The following SBF2 variants were observed in gnomAD, a reference collection of about 807,000 sequenced individuals.
The protein encoded by SBF2 is SET binding factor 2.
A neutral mutation model predicts 225.2 loss-of-function variants in SBF2; 112 were observed. That is an observed-to-expected ratio of 0.50 (90% CI 0.43 to 0.58). SBF2 has a LOEUF of 0.58. Ranked by LOEUF, SBF2 falls within the 20% of genes least tolerant of loss-of-function variation. SBF2 has a pLI of 0.00. For missense variants in SBF2, 1,996 were observed against 2,206.2 expected (o/e 0.90, Z 1.91); for synonymous variants, 763 against 773.3 (o/e 0.99, Z 0.22).
At chr11:9,907,267 T>C (rs1862189850) in intron 16 of SBF2, among the ~76,000 whole-genome samples, 1 of 152,156 alleles carries the variant, frequency 6.6e-6, no homozygotes, top group Non-Finnish European at 1.5e-5. Flanking sequence ...TCGGTACGGA[T>C]CCACCTCTCT....
At chr11:10,126,499 G>A (rs1953763953) in intron 2 of SBF2, among the ~76,000 whole-genome samples, 1 of 152,034 alleles carries the variant, frequency 6.6e-6, no homozygotes, top group South Asian at 2.1e-4. Context: ...ATAGAAGGCT[G>A]GAAAATATGG....
chr11:9,860,063 G>A (rs1457615319), intron 17 of SBF2, among the ~76,000 whole-genome samples: 1 of 152,104 alleles, frequency 6.6e-6, no homozygotes, highest in Non-Finnish European at 1.5e-5. Context: ...CTACCTATGG[G>A]AAATCATGAA....
At chr11:9,846,928 G>C in intron 23 of SBF2, 28 bp downstream of exon 23, 1 of 1,613,182 alleles carries the variant, frequency 6.2e-7, no homozygotes, top group Non-Finnish European at 8.5e-7. Flanking sequence ...TTTTTGAATA[G>C]TAAAACAATG....
intron 17 of SBF2, among the ~76,000 whole-genome samples, chr11:9,863,598 ATAAT>A (rs1857941568): frequency 6.6e-6 from 1 of 152,208 alleles, no homozygotes; most frequent in African/African-American, 2.4e-5. Flanking sequence ...AATCACTTTA[ATAAT>A]TAATTTTAGA....
At chr11:9,996,095 G>A (rs538474328) in intron 9 of SBF2, among the ~76,000 whole-genome samples, 1 of 152,294 alleles carries the variant, frequency 6.6e-6, no homozygotes, top group Non-Finnish European at 1.5e-5. Flanking sequence ...TGGCACGGGT[G>A]TTGCAGGTTT....
intron 6 of SBF2, among the ~76,000 whole-genome samples, chr11:10,009,728 A>G (rs1948362506): frequency 6.6e-6 from 1 of 152,210 alleles, no homozygotes; most frequent in South Asian, 2.1e-4. Flanking sequence ...ATACGTGTGC[A>G]TGTGTCTTTA....
intron 27 of SBF2, among the ~76,000 whole-genome samples, chr11:9,829,923 T>C (rs1161454682): frequency 6.6e-6 from 1 of 152,240 alleles, no homozygotes; most frequent in Non-Finnish European, 1.5e-5. Context: ...TCCTTTGACA[T>C]CCCAGAATGG....
intron 2 of SBF2, among the ~76,000 whole-genome samples, chr11:10,146,854 G>A (rs558316019): frequency 6.6e-6 from 1 of 151,862 alleles, no homozygotes; most frequent in Non-Finnish European, 1.5e-5. Flanking sequence ...CAACTCTAAG[G>A]AACTTAAATT....
At position 10,015,096 on chromosome 11, in the gene SBF2, T is replaced by C. The variant is rs940813510; in HGVS notation, c.620-12407A>G. Among the ~76,000 whole-genome samples the C allele has an allele frequency of 4.6e-5, 7 of 152,254 alleles. No individual in the cohort carries two copies. The East Asian group carries it at 1.3e-3, about 29-fold the overall frequency. Reference sequence around the variant, plus strand: ...CTACAGTGAGCTGAGTTTGCACCACTGCACTCCAGCCTGGGCAACAAAGCA... The same window carrying C: ...CTACAGTGAGCTGAGTTTGCACCACCGCACTCCAGCCTGGGCAACAAAGCA... On this transcript the variant is annotated intron_variant, in intron 6 of 39. Transcript: ENST00000256190.
At chr11:9,781,429 T>G in intron 39 of SBF2, 78 bp downstream of exon 39, 1 of 1,589,716 alleles carries the variant, frequency 6.3e-7, no homozygotes, top group Non-Finnish European at 8.6e-7. Flanking sequence ...CCAATTACTC[T>G]GAGGGCTCCA....
At chr11:9,879,139 G>A (rs567009629) in intron 17 of SBF2, among the ~76,000 whole-genome samples, 1 of 152,230 alleles carries the variant, frequency 6.6e-6, no homozygotes, top group Non-Finnish European at 1.5e-5. Flanking sequence ...CTGTAATTTA[G>A]CAGCTCCTCC....
chr11:9,826,704 G>T (rs879761229), intron 28 of SBF2, among the ~76,000 whole-genome samples: 2 of 143,512 alleles, frequency 1.4e-5, no homozygotes, highest in African/African-American at 5.1e-5. Context: ...CTTACTTAGT[G>T]TGTGGTGTGT....
chr11:10,066,388 G>T (rs1950624484), intron 2 of SBF2, among the ~76,000 whole-genome samples: 1 of 151,372 alleles, frequency 6.6e-6, no homozygotes, highest in South Asian at 2.1e-4. Flanking sequence ...ATCCAACCAT[G>T]TAATAAAAGG....
intron 2 of SBF2, among the ~76,000 whole-genome samples, chr11:10,134,682 A>G (rs543319928): frequency 7.2e-5 from 11 of 152,294 alleles, no homozygotes; most frequent in Admixed American, 2.0e-4. Flanking sequence ...CTCCAAAATG[A>G]TCTCCTTTGA....
At chr11:10,073,295 T>A (rs1203032881) in intron 2 of SBF2, among the ~76,000 whole-genome samples, 2 of 152,182 alleles carry the variant, frequency 1.3e-5, no homozygotes, top group African/African-American at 4.8e-5. Context: ...GTAAAAATTA[T>A]TAAAATTATT....
chr11:9,934,705 G>C (rs575195727), intron 16 of SBF2, among the ~76,000 whole-genome samples: 11 of 152,042 alleles, frequency 7.2e-5, no homozygotes, highest in Admixed American at 2.0e-4. Context: ...ACAACAAAAA[G>C]ACATGATTAT....
intron 2 of SBF2, among the ~76,000 whole-genome samples, chr11:10,088,764 C>T (rs920839295): frequency 6.6e-5 from 10 of 152,178 alleles, no homozygotes; most frequent in African/African-American, 2.4e-4. Flanking sequence ...AGGGCCTCAC[C>T]TTCAACATTG....
At chr11:9,801,294 G>T (rs1564866116) in intron 32 of SBF2, among the ~76,000 whole-genome samples, 1 of 152,156 alleles carries the variant, frequency 6.6e-6, no homozygotes, top group Admixed American at 6.5e-5. Context: ...GTTATGGAGT[G>T]AAACTTGCCA....
At chr11:10,111,536 T>C (rs1356615469) in intron 2 of SBF2, among the ~76,000 whole-genome samples, 1 of 152,196 alleles carries the variant, frequency 6.6e-6, no homozygotes, top group Non-Finnish European at 1.5e-5. Flanking sequence ...AATTTCTCTC[T>C]AGAAAAAAGT....
Sources: gnomAD v4.1 joint callset for allele counts (sites outside exome capture counted in the v4.1 genomes callset) on GRCh38, gnomAD v4.1.1 for gene constraint, MANE v1.5 for transcripts, NCBI Gene and HGNC (gene_info 2026-07-23, HGNC 2026-07-21) for gene names.